Variants in CADPS observed in about 807,000 individuals in gnomAD.
CADPS encodes calcium-dependent secretion activator 1.
A neutral mutation model predicts 167.3 loss-of-function variants in CADPS; 57 were observed. The observed-to-expected ratio is 0.34, with a 90% CI of 0.28 to 0.42. The LOEUF is 0.42. Among genes scored for constraint, CADPS ranks in the 20% least tolerant of loss-of-function variants. The pLI, the probability that CADPS is intolerant of heterozygous loss-of-function variation, is 1.00. For missense variants in CADPS, 1,414 were observed against 1,738.1 expected (o/e 0.81, Z 3.32); for synonymous variants, 676 against 635.3 (o/e 1.06, Z -0.96).
At chr3:62,498,035 A>G in intron 18 of CADPS, 3 of 445,400 alleles carry the variant, frequency 6.7e-6, no homozygotes, top group South Asian at 4.8e-5. Context: ...TCCTTGGGTC[A>G]GTGTTAGAAA....
At chr3:62,581,617 G>A (rs1412406913) in intron 8 of CADPS, among the ~76,000 whole-genome samples, 1 of 152,034 alleles carries the variant, frequency 6.6e-6, no homozygotes, top group Non-Finnish European at 1.5e-5. Context: ...AGAGGTCAAG[G>A]CTGCAGTAAG....
intron 13 of CADPS, chr3:62,530,571 AG>A (rs2073414508): frequency 3.4e-6 from 3 of 882,138 alleles, no homozygotes; most frequent in Non-Finnish European, 4.3e-6. Flanking sequence ...AGCTTGCAAA[AG>A]TGGAAGTGAT....
At chr3:62,871,972 G>A (rs2082710583) in intron 1 of CADPS, among the ~76,000 whole-genome samples, 1 of 152,134 alleles carries the variant, frequency 6.6e-6, no homozygotes, top group Non-Finnish European at 1.5e-5. Context: ...AAAGTGGTGT[G>A]AGTATTGTGA....
intron 26 of CADPS, among the ~76,000 whole-genome samples, chr3:62,447,141 C>T (rs1056144502): frequency 6.6e-6 from 1 of 152,174 alleles, no homozygotes. Flanking sequence ...AGTGCCAGAA[C>T]TCGTTGACCC....
rs1344348099 is a variant in CADPS, at chr3:62,484,862, T to C, written c.3027-2993A>G. ...TAAGATACAAAATGCCTTCTACTTT[T>C]ATGAATCAGTTGTTGCATGCATATA... On this transcript the variant is annotated intron_variant, in intron 21 of 29. Coordinates refer to ENST00000383710, the MANE Select transcript of CADPS (RefSeq NM_003716.4). 3.3e-5 allele frequency among the ~76,000 whole-genome samples: 5 copies of C among 152,192 alleles called. No individual in the cohort carries two copies. The East Asian group carries it at 7.7e-4, about 23-fold the overall frequency.
chr3:62,512,589 T>C (rs1275866951), intron 17 of CADPS, among the ~76,000 whole-genome samples, 162 bp downstream of exon 17: 1 of 152,164 alleles, frequency 6.6e-6, no homozygotes, highest in Admixed American at 6.6e-5. Context: ...CAAATGGGCA[T>C]GAGATGTATT....
chr3:62,567,386 C>G (rs833661), intron 9 of CADPS, among the ~76,000 whole-genome samples: 137,907 of 151,582 alleles, frequency 0.91, 62,949 homozygotes, highest in East Asian at 0.99. Context: ...ACTGTGTATG[C>G]GTGTGGTGGA....
intron 6 of CADPS, among the ~76,000 whole-genome samples, chr3:62,642,183 G>A (rs560755629): frequency 6.6e-6 from 1 of 151,706 alleles, no homozygotes; most frequent in African/African-American, 2.4e-5. Context: ...TTCCAGTTAT[G>A]GGGTGTAGTA....
chr3:62,462,186 G>A (rs1316420268), intron 26 of CADPS, among the ~76,000 whole-genome samples: 4 of 152,218 alleles, frequency 2.6e-5, no homozygotes, highest in Admixed American at 6.5e-5. Flanking sequence ...TGCTAATTGC[G>A]TCTTCCAACT....
chr3:62,726,745 C>G (rs1326630826), intron 3 of CADPS, among the ~76,000 whole-genome samples: 1 of 151,872 alleles, frequency 6.6e-6, no homozygotes, highest in Non-Finnish European at 1.5e-5. Context: ...AAGTAATTAA[C>G]CCTTCTGCTT....
intron 17 of CADPS, among the ~76,000 whole-genome samples, chr3:62,508,383 C>T (rs2067076134): frequency 6.6e-6 from 1 of 152,156 alleles, no homozygotes; most frequent in South Asian, 2.1e-4. Flanking sequence ...GCTAACAAAT[C>T]ACAAGCACTT....
At position 62,547,586 on chromosome 3, in the gene CADPS, GCC is replaced by G. The variant is rs386396848; in HGVS notation, c.1966+2315_1966+2316del. Reference sequence around the variant, plus strand: ...ATTCCCTAGGGATGATATCATTTACGCCCCCCCCCCCCCGCAAATTCTAACTC... The same window carrying G: ...ATTCCCTAGGGATGATATCATTTACGCCCCCCCCCCCGCAAATTCTAACTC... On this transcript the variant is annotated intron_variant, in intron 11 of 29. Coordinates refer to ENST00000383710, the MANE Select transcript of CADPS (RefSeq NM_003716.4). Among the ~76,000 whole-genome samples the G allele has an allele frequency of 1.0e-3, 33 of 31,442 alleles. 3 individuals are homozygous for G. Among genetic ancestry groups the G allele is most frequent in the African/African-American group, 3.8e-3 (28 of 7,292 alleles). 20.6% of individuals were successfully genotyped at this position (31,442 alleles called of 152,430 possible).
chr3:62,475,173 T>C (rs1281722197), intron 23 of CADPS, among the ~76,000 whole-genome samples: 2 of 152,228 alleles, frequency 1.3e-5, no homozygotes, highest in East Asian at 3.8e-4. Context: ...AGCAATGTGC[T>C]AACAACTCAT....
At chr3:62,773,549 T>C (rs2152558837) in intron 1 of CADPS, among the ~76,000 whole-genome samples, 1 of 152,312 alleles carries the variant, frequency 6.6e-6, no homozygotes, top group Admixed American at 6.5e-5. Flanking sequence ...ACTCAAATAA[T>C]AATTCAATTA....
intron 4 of CADPS, among the ~76,000 whole-genome samples, chr3:62,654,070 G>A (rs1358238289): frequency 1.3e-5 from 2 of 152,182 alleles, no homozygotes; most frequent in African/African-American, 4.8e-5. Flanking sequence ...TTCCTGCACA[G>A]TGGCCTTGAA....
At chr3:62,795,436 C>A (rs73108332) in intron 1 of CADPS, among the ~76,000 whole-genome samples, 1 of 152,024 alleles carries the variant, frequency 6.6e-6, no homozygotes, top group African/African-American at 2.4e-5. Flanking sequence ...CACATTCTAT[C>A]TTAGCATGTG....
chr3:62,836,617 G>T (rs2075928816), intron 1 of CADPS, among the ~76,000 whole-genome samples: 1 of 152,142 alleles, frequency 6.6e-6, no homozygotes, highest in African/African-American at 2.4e-5. Flanking sequence ...TTGAGCCACA[G>T]GTTAATCAAT....
At chr3:62,554,565 A>C (rs961837032) in intron 10 of CADPS, among the ~76,000 whole-genome samples, 1 of 152,118 alleles carries the variant, frequency 6.6e-6, no homozygotes, top group Non-Finnish European at 1.5e-5. Context: ...TTCAGGGAGC[A>C]GTTGAGGAGA....
chr3:62,617,066 A>G (rs1025609734), intron 6 of CADPS, among the ~76,000 whole-genome samples: 1 of 152,178 alleles, frequency 6.6e-6, no homozygotes, highest in South Asian at 2.1e-4. Context: ...GTATATCACA[A>G]TGTTAAATAT....
Sources: gnomAD v4.1 joint callset for allele counts (sites outside exome capture counted in the v4.1 genomes callset) on GRCh38, gnomAD v4.1.1 for gene constraint, MANE v1.5 for transcripts, NCBI Gene and HGNC (gene_info 2026-07-23, HGNC 2026-07-21) for gene names.